EP300: variants seen among roughly 807,000 people sequenced by gnomAD.
The protein encoded by EP300 is EP300 lysine acetyltransferase, also known as histone acetyltransferase p300.
Under a neutral mutation model 264.0 loss-of-function variants are expected in EP300, and 31 were observed. That is an observed-to-expected ratio of 0.12 (90% CI 0.09 to 0.16). The LOEUF (loss-of-function observed/expected upper bound fraction) is 0.16. EP300 is among the 10% of genes least tolerant of loss of function. The pLI, the probability that EP300 is intolerant of heterozygous loss-of-function variation, is 1.00. For missense variants in EP300, 2,766 were observed against 3,052.9 expected (o/e 0.91, Z 2.21); for synonymous variants, 1,340 against 1,045.4 (o/e 1.28, Z -5.44).
chr22:41,177,798 A>G lies in EP300; in HGVS notation c.6087A>G (p.Pro2029=). The G allele has an allele frequency of 6.2e-7, 1 of 1,614,056 alleles. No homozygotes were observed. Among genetic ancestry groups the G allele is most frequent in the Non-Finnish European group, 8.5e-7 (1 of 1,180,028 alleles). The change falls in exon 31 of 31, where the codon CCA becomes CCG. Residue 2029 remains proline, a synonymous_variant. Transcript: ENST00000263253. The part of the protein sequence containing the change: ...AQHGQPLNMA[P]QPGLGQVGIS... Reference sequence around the variant, plus strand: ...ATGGTCAACCTTTGAACATGGCTCCACAACCAGGATTGGGCCAGGTAGGTA... The same window carrying G: ...ATGGTCAACCTTTGAACATGGCTCCGCAACCAGGATTGGGCCAGGTAGGTA...
At chr22:41,133,027 A>G (rs2058929467) in intron 6 of EP300, among the ~76,000 whole-genome samples, 1 of 152,178 alleles carries the variant, frequency 6.6e-6, no homozygotes, top group African/African-American at 2.4e-5. Context: ...TTAGACATCC[A>G]GCATTGTAGA....
intron 2 of EP300, among the ~76,000 whole-genome samples, chr22:41,120,551 T>C (rs747817531): frequency 1.4e-4 from 21 of 152,210 alleles, no homozygotes; most frequent in Non-Finnish European, 2.2e-4. Context: ...ACCGTTCTTG[T>C]CATGGATGAA....
intron 6 of EP300, 90 bp from the exon 7 acceptor site, chr22:41,135,723 G>C (rs1569100432): frequency 1.9e-6 from 2 of 1,050,190 alleles, no homozygotes. Context: ...TTTTTTTTCT[G>C]ATTTGTCATT....
rs528018461 is a variant in EP300 at position 41,178,771 on chromosome 22, G to T, written c.7060G>T (p.Ala2354Ser). ...TSSPHPGLVA[A>S]QANPMEQGHF... is the part of the protein sequence containing the mutation. The stretch of plus-strand genomic sequence containing the variant: ...TTCCCCACATCCTGGACTGGTAGCT[G>T]CCCAGGCCAACCCCATGGAACAAGG... The change falls in exon 31 of 31, where the codon GCC (alanine) becomes TCC (serine). Residue 2354 changes from alanine (A) to serine (S), a missense_variant. Transcript: ENST00000263253. 10 of 1,613,958 alleles carry T rather than the reference G, an allele frequency of 6.2e-6. No individual in the cohort carries two copies. Among genetic ancestry groups the T allele is most frequent in the Middle Eastern group, 1.6e-4 (1 of 6,084 alleles).
At chr22:41,105,128 C>T (rs1477272975) in intron 1 of EP300, among the ~76,000 whole-genome samples, 3 of 138,398 alleles carry the variant, frequency 2.2e-5, no homozygotes, top group Admixed American at 8.0e-5. Context: ...ACCCAGGAGG[C>T]GGAGCTAGCA....
intron 19 of EP300, chr22:41,160,358 GTTTGT>G (rs754958854): frequency 8.2e-6 from 3 of 368,052 alleles, no homozygotes; most frequent in East Asian, 9.8e-5. Flanking sequence ...TCATTTCTTC[GTTTGT>G]TTTGTGTTTT....
intron 7 of EP300, 67 bp from the exon 8 acceptor site, chr22:41,137,586 G>A (rs1252082402): frequency 6.3e-7 from 1 of 1,598,078 alleles, no homozygotes; most frequent in Admixed American, 1.7e-5. Flanking sequence ...ATCAGTGTCA[G>A]CTTGAATTAA....
At position 41,157,316 on chromosome 22, in the gene EP300, C is replaced by T. The variant is rs754143540; in HGVS notation, c.3409C>T (p.Arg1137Trp). Residue 1137 changes from arginine (R) to tryptophan (W), a missense_variant, in exon 18 of 31, where the codon CGG becomes TGG. Arg to Trp is a moderately radical substitution (Grantham distance 101, BLOSUM62 -3). Transcript: ENST00000263253. ...CTGGTTATATAACCGGAAAACATCACGGGTATACAAATACTGCTCCAAGCT... is the reference window on the plus strand; with the variant it reads ...CTGGTTATATAACCGGAAAACATCATGGGTATACAAATACTGCTCCAAGCT... ...NAWLYNRKTS[R>W]VYKYCSKLSE... The T allele has an allele frequency of 6.2e-7, 1 of 1,614,120 alleles. No homozygotes were observed.
In EP300 at chr22:41,178,319, C is replaced by T. The variant is rs1233278896; in HGVS notation, c.6608C>T (p.Pro2203Leu). 1.2e-6 allele frequency: 2 copies of T among 1,614,168 alleles called. No homozygotes were observed. Among genetic ancestry groups the T allele is most frequent in the South Asian group, 2.2e-5 (2 of 91,086 alleles). ...CAGGGAGCAGGGCCAGGAATAGGCC[C>T]TGGAATGGCCAACCATAACCAGTTC... is the stretch of plus-strand genomic sequence containing the variant. ...QQQGAGPGIG[P>L]GMANHNQFQQ... Residue 2203 changes from proline to leucine, a missense_variant, in exon 31 of 31, where the codon CCT (proline) becomes CTT (leucine). Transcript: ENST00000263253.
intron 10 of EP300, 130 bp from the exon 11 acceptor site, chr22:41,146,609 T>C (rs1356577447): frequency 8.8e-6 from 7 of 795,918 alleles, no homozygotes; most frequent in Admixed American, 2.1e-5. Context: ...TTCAGAGCTT[T>C]ATTTTGTGAT....
At chr22:41,111,007 C>G (rs1344455346) in intron 1 of EP300, among the ~76,000 whole-genome samples, 1 of 151,364 alleles carries the variant, frequency 6.6e-6, no homozygotes. Context: ...CTCTTGTCAC[C>G]CAGGCCGGAA....
At chr22:41,167,611 T>A (rs1486464031) in intron 23 of EP300, among the ~76,000 whole-genome samples, 1 of 39,420 alleles carries the variant, frequency 2.5e-5, no homozygotes, top group South Asian at 9.4e-4. Flanking sequence ...TATATATATA[T>A]ATATATATAT....
intron 1 of EP300, 69 bp from the exon 2 acceptor site, chr22:41,117,118 A>G (rs2145696123): frequency 7.6e-7 from 1 of 1,316,940 alleles, no homozygotes; most frequent in Non-Finnish European, 1.1e-6. Flanking sequence ...CTTATTGAGA[A>G]CAATATAGAG....
intron 5 of EP300, 44 bp downstream of exon 5, chr22:41,130,047 A>C: frequency 7.0e-7 from 1 of 1,418,544 alleles, no homozygotes; most frequent in Non-Finnish European, 9.9e-7. Context: ...AAAGTTTTAA[A>C]GTCTCACCAG....
At position 41,177,311 on chromosome 22, in the gene EP300, A is replaced by G. The variant is rs2145516638; in HGVS notation, c.5600A>G (p.Gln1867Arg). Residue 1867 changes from glutamine (Q) to arginine (R), a missense_variant, in exon 31 of 31, where the codon CAG becomes CGG. By Grantham distance (43) the Gln-to-Arg change is conservative. Coordinates refer to ENST00000263253, the MANE Select transcript of EP300 (RefSeq NM_001429.4). ...TPTGQQPTTP[Q>R]TPQPTSQPQP... The stretch of plus-strand genomic sequence containing the variant: ...ACTGGCCAACAGCCAACCACCCCGC[A>G]GACGCCCCAGCCCACTTCTCAGCCT... The G allele has an allele frequency of 6.2e-7, 1 of 1,613,956 alleles. No homozygotes were observed. Among genetic ancestry groups the G allele is most frequent in the Non-Finnish European group, 8.5e-7 (1 of 1,179,980 alleles).
Position 41,176,810 on chromosome 22 carries a change from A to G in EP300, c.5099A>G (p.Asn1700Ser). Residue 1700 changes from asparagine to serine, a missense_variant, in exon 31 of 31, where the codon AAC (asparagine) becomes AGC (serine). Transcript: ENST00000263253. ...TGTATCACCTGCTATAACACTAAAA[A>G]CCATGACCACAAAATGGAGAAACTA... ...DLCITCYNTKNHDHKMEKLGL... is the reference protein window; with the variant it reads ...DLCITCYNTKSHDHKMEKLGL... The G allele has an allele frequency of 6.2e-7, 1 of 1,614,134 alleles. No homozygotes were observed. Among genetic ancestry groups the G allele is most frequent in the Non-Finnish European group, 8.5e-7 (1 of 1,180,028 alleles).
In EP300 at chr22:41,141,114, A is replaced by G; in HGVS notation, c.1945A>G (p.Arg649Gly). Residue 649 changes from arginine to glycine, a missense_variant, in exon 10 of 31, where the codon AGG becomes GGG. Arg to Gly is a moderately radical substitution (Grantham distance 125, BLOSUM62 -2). Transcript: ENST00000263253. ...CCAGAAAGAACTAGAAGAAAAACGA[A>G]GGACCAGACTACAGAAGCAGAACAT... is the stretch of plus-strand genomic sequence containing the variant. Reference protein sequence around the residue: ...KIQKELEEKRRTRLQKQNMLP... With the variant: ...KIQKELEEKRGTRLQKQNMLP... The G allele has an allele frequency of 6.2e-7, 1 of 1,614,204 alleles. No homozygotes were observed. The highest frequency in any genetic ancestry group is 8.5e-7 in the Non-Finnish European group (1 of 1,180,032).
chr22:41,153,121 T>G (rs1318599710), intron 16 of EP300, among the ~76,000 whole-genome samples: 3 of 152,120 alleles, frequency 2.0e-5, no homozygotes, highest in East Asian at 3.9e-4. Context: ...TAAGTAACTT[T>G]CCACAGGTTA....
chr22:41,109,216 T>G (rs1601593247), intron 1 of EP300, among the ~76,000 whole-genome samples: 1 of 130,590 alleles, frequency 7.7e-6, no homozygotes, highest in Admixed American at 9.4e-5. Flanking sequence ...ATCCCGTCGC[T>G]CCACTCCAGG....
Sources: gnomAD v4.1 joint callset for allele counts (sites outside exome capture counted in the v4.1 genomes callset) on GRCh38, gnomAD v4.1.1 for gene constraint, MANE v1.5 for transcripts, NCBI Gene and HGNC (gene_info 2026-07-23, HGNC 2026-07-21) for gene names.